The following SH2B2 variants were observed in gnomAD, a reference collection of about 807,000 sequenced individuals.
The protein encoded by SH2B2 is SH2B adaptor protein 2.
A neutral mutation model predicts 35.7 loss-of-function variants in SH2B2; 37 were observed. That is an observed-to-expected ratio of 1.04 (90% CI 0.80 to 1.36). The LOEUF (loss-of-function observed/expected upper bound fraction) is 1.36. Among genes scored for constraint, SH2B2 ranks in the 40% most tolerant of loss-of-function variants. The probability of loss-of-function intolerance (pLI) is 0.00; values close to 1 mark genes in which losing one functional copy is unlikely to be tolerated. For missense variants in SH2B2, 852 were observed against 817.7 expected (o/e 1.04, Z -0.51); for synonymous variants, 383 against 376.4 (o/e 1.02, Z -0.20).
At chr7:102,293,604 A>G (rs541255017) in intron 1 of SH2B2, among the ~76,000 whole-genome samples, 3 of 152,174 alleles carry the variant, frequency 2.0e-5, no homozygotes, top group Admixed American at 6.5e-5. Flanking sequence ...GGCCAGCACC[A>G]CAGGGGGCCC....
In SH2B2 at chr7:102,321,559, G is replaced by A. The variant is rs1177299566; in HGVS notation, c.1828G>A (p.Ala610Thr). ...ERLLEAVAAT[A>T]AEEPPEAAPG... ...CCTGCTGGAGGCCGTGGCCGCCACC[G>A]CCGCCGAGGAGCCCCCGGAGGCCGC... The change falls in exon 9 of 9, where the codon GCC becomes ACC. Residue 610 changes from alanine (A) to threonine (T), a missense_variant. Around this residue, in one of 3 missense-constraint regions of SH2B2, gnomAD observed 556 missense variants for 514.5 expected, o/e 1.08. Transcript: ENST00000444095. The A allele has an allele frequency of 8.7e-7, 1 of 1,150,706 alleles. No individual in the cohort carries two copies. The highest frequency in any genetic ancestry group is 1.1e-6 in the Non-Finnish European group (1 of 937,324). 71.3% of individuals were successfully genotyped at this position (1,150,706 alleles called of 1,614,324 possible).
chr7:102,308,839 T>A lies in SH2B2; in HGVS notation c.856T>A (p.Leu286Met). ...GGTAGAGAATGGAGCCGAATACATC[T>A]TGGAGACCATCGACTCTCTGCAGAA... ...LKVENGAEYI[L>M]ETIDSLQKHS... The change falls in exon 4 of 9, where the codon TTG (leucine) becomes ATG (methionine). Residue 286 changes from leucine (L) to methionine (M), a missense_variant. Physicochemically the swap from Leu to Met is conservative, Grantham distance 15 (BLOSUM62 2). Around this residue, in one of 3 missense-constraint regions of SH2B2, gnomAD observed 556 missense variants for 514.5 expected, o/e 1.08. Transcript: ENST00000444095. 1.2e-6 allele frequency: 2 copies of A among 1,613,688 alleles called. No individual in the cohort carries two copies. Among genetic ancestry groups the A allele is most frequent in the African/African-American group, 1.3e-5 (1 of 75,028 alleles).
chr7:102,295,723 G>A (rs1173113808), intron 1 of SH2B2, among the ~76,000 whole-genome samples: 2 of 152,204 alleles, frequency 1.3e-5, no homozygotes, highest in Non-Finnish European at 2.9e-5. Flanking sequence ...AAGGAGGGGT[G>A]TCGGGAGGCT....
At chr7:102,313,992 A>G (rs1183929220) in intron 4 of SH2B2, among the ~76,000 whole-genome samples, 1 of 152,218 alleles carries the variant, frequency 6.6e-6, no homozygotes, top group African/African-American at 2.4e-5. Context: ...CACCTTGGGA[A>G]AAAGGGACTT....
intron 3 of SH2B2, among the ~76,000 whole-genome samples, chr7:102,307,545 G>A (rs987973398): frequency 1.3e-5 from 2 of 151,916 alleles, no homozygotes; most frequent in Non-Finnish European, 2.9e-5. Flanking sequence ...TTCATTTAGC[G>A]AGTGTTTACC....
At chr7:102,289,432 G>A (rs803092) in intron 1 of SH2B2, among the ~76,000 whole-genome samples, 90,767 of 151,916 alleles carry the variant, frequency 0.6, 27,453 homozygotes, top group African/African-American at 0.71. Flanking sequence ...AACAGGGGAA[G>A]TAGGCAGTGC....
chr7:102,299,021 C>T (rs1793035253), intron 1 of SH2B2, among the ~76,000 whole-genome samples: 1 of 137,662 alleles, frequency 7.3e-6, no homozygotes, highest in South Asian at 2.5e-4. Flanking sequence ...CCGAGGTTCA[C>T]GCCATTCTCC....
At chr7:102,315,744 G>GAAAAAAAAAAAAAAAA (rs61456197) in intron 6 of SH2B2, among the ~76,000 whole-genome samples, 3 of 90,574 alleles carry the variant, frequency 3.3e-5, no homozygotes, top group African/African-American at 4.6e-5. Context: ...CCTGTGAAAA[G>GAAAAAAAAAAAAAAAA]AAAAAAAAAA....
In SH2B2 at chr7:102,317,205, C is replaced by T. The variant is rs200961263; in HGVS notation, c.1205C>T (p.Thr402Met). Residue 402 changes from threonine to methionine, a missense_variant, in exon 7 of 9, where the codon ACG (threonine) becomes ATG (methionine). This residue lies in a region of SH2B2 where 556 missense variants were observed against 514.5 expected (regional missense o/e 1.08). Transcript: ENST00000444095. Reference protein sequence around the residue: ...SNNTGEQGAETDPEAEPELEL... With the variant: ...SNNTGEQGAEMDPEAEPELEL... ...ACCTCAGGGGAACAGGGTGCAGAGA[C>T]GGATCCCGAGGCTGAACCCGAGCTG... The T allele has an allele frequency of 6.9e-6, 11 of 1,605,046 alleles. No individual in the cohort carries two copies. The highest frequency in any genetic ancestry group is 4.5e-5 in the South Asian group (4 of 89,342).
intron 1 of SH2B2, 102 bp from the exon 2 acceptor site, chr7:102,300,419 CA>C: frequency 7.3e-7 from 1 of 1,364,304 alleles, no homozygotes; most frequent in Non-Finnish European, 9.7e-7. Flanking sequence ...TGTACACACA[CA>C]CCCACACAGC....
intron 4 of SH2B2, among the ~76,000 whole-genome samples, chr7:102,312,942 CA>C (rs1160809205): frequency 6.6e-6 from 1 of 151,498 alleles, no homozygotes; most frequent in Non-Finnish European, 1.5e-5. Context: ...TCAGCCTGGC[CA>C]ACATGGAGAA....
At chr7:102,310,584 G>T (rs1935751229) in intron 4 of SH2B2, among the ~76,000 whole-genome samples, 1 of 152,212 alleles carries the variant, frequency 6.6e-6, no homozygotes, top group Non-Finnish European at 1.5e-5. Context: ...AGCCCGACAG[G>T]CTGAGCAATT....
intron 4 of SH2B2, among the ~76,000 whole-genome samples, chr7:102,310,436 G>A (rs565578427): frequency 1.3e-5 from 2 of 152,164 alleles, no homozygotes; most frequent in Non-Finnish European, 2.9e-5. Context: ...CTCAGGAAAC[G>A]GGTAGGTCAG....
intron 4 of SH2B2, chr7:102,309,355 C>CTTTT (rs35826295): frequency 1.4e-3 from 250 of 183,954 alleles, no homozygotes; most frequent in South Asian, 2.5e-3. Flanking sequence ...CTCTCTCTCT[C>CTTTT]TTTTTTTTTT....
chr7:102,317,776 G>C (rs1793911067), intron 7 of SH2B2, among the ~76,000 whole-genome samples: 1 of 152,182 alleles, frequency 6.6e-6, no homozygotes, highest in Admixed American at 6.6e-5. Context: ...CCAGTGGGGG[G>C]TGGGAGCCAA....
Position 102,293,199 on chromosome 7 carries a change from T to C in SH2B2, c.-30+6105T>C, listed in dbSNP as rs1168493798. On this transcript the variant is annotated intron_variant, in intron 1 of 8. Transcript: ENST00000444095. ...GCGCGGGCGGGGGCTGAAGACCGGC[T>C]TTTTTTTTTTTTTTTTTTTTTTGGT... 5.4e-4 allele frequency: 4 copies of C among 7,446 alleles called. No individual in the cohort carries two copies. In the East Asian group the frequency reaches 0.047, roughly 87 times the overall value. The allele number at this position is 7,446 out of a possible 1,614,324, so 0.5% of individuals were successfully genotyped here. A position where few individuals can be genotyped will look rare whatever the true frequency, so the allele number is the denominator to read the frequency against.
chr7:102,313,769 G>A (rs1021232899), intron 4 of SH2B2, among the ~76,000 whole-genome samples: 19 of 152,032 alleles, frequency 1.2e-4, no homozygotes, highest in African/African-American at 4.3e-4. Flanking sequence ...AAAATTAGCC[G>A]GGCATGGTGG....
chr7:102,319,640 C>G (rs1181358870), intron 7 of SH2B2, among the ~76,000 whole-genome samples: 1 of 151,878 alleles, frequency 6.6e-6, no homozygotes, highest in Non-Finnish European at 1.5e-5. Flanking sequence ...CCCTCTTGCC[C>G]CACACACCCC....
chr7:102,287,350 C>T lies in SH2B2; in HGVS notation c.-30+256C>T, dbSNP rs564127901. Reference sequence around the variant, plus strand: ...CGGGGAGCCGCTGGAGGGGCCGAGCCGCCTCTGGAGCAGCTGCGCCCCCGC... The same window carrying T: ...CGGGGAGCCGCTGGAGGGGCCGAGCTGCCTCTGGAGCAGCTGCGCCCCCGC... On this transcript the variant is annotated intron_variant, in intron 1 of 8. Transcript: ENST00000444095. Among the ~76,000 whole-genome samples the T allele has an allele frequency of 3.9e-5, 6 of 152,204 alleles. No individual in the cohort carries two copies. In the South Asian group the frequency reaches 1.0e-3, roughly 26 times the overall value.
Sources: gnomAD v4.1 joint callset for allele counts (sites outside exome capture counted in the v4.1 genomes callset) on GRCh38, gnomAD v4.1.1 for gene constraint, gnomAD v4.1.1 regional missense constraint, MANE v1.5 for transcripts, NCBI Gene and HGNC (gene_info 2026-07-23, HGNC 2026-07-21) for gene names.